The following MAD1L1 variants were observed in gnomAD, a reference collection of about 807,000 sequenced individuals.
MAD1L1 encodes mitotic arrest deficient 1 like 1.
MAD1L1 carries 95 observed loss-of-function variants against 96.9 expected under a neutral mutation model. The ratio of observed to expected loss-of-function variants is 0.98; its 90% CI spans 0.83 to 1.16. MAD1L1 has a LOEUF of 1.16. MAD1L1 is among the 50% of genes most tolerant of loss of function. MAD1L1 has a pLI of 0.00. For synonymous variants in MAD1L1, 473 were observed against 396.6 expected (o/e 1.19, Z -2.29); for missense variants, 1,007 against 954.4 (o/e 1.06, Z -0.73).
At chr7:2,069,387 C>A (rs1163292314) in intron 11 of MAD1L1, 49 bp from the exon 12 acceptor site, 4 of 1,463,908 alleles carry the variant, frequency 2.7e-6, no homozygotes, top group Non-Finnish European at 2.7e-6. Flanking sequence ...GGGGTGACCA[C>A]CCCACCAAGC....
At chr7:2,172,870 AGATGGCTCCTGG>A (rs1031269121) in intron 10 of MAD1L1, among the ~76,000 whole-genome samples, 1 of 152,228 alleles carries the variant, frequency 6.6e-6, no homozygotes, top group African/African-American at 2.4e-5. Context: ...CTGCCCCATC[AGATGGCTCCTGG>A]GAGCGTGCAC....
chr7:1,977,822 C>T (rs1225676574), intron 15 of MAD1L1, among the ~76,000 whole-genome samples: 5 of 152,240 alleles, frequency 3.3e-5, no homozygotes, highest in South Asian at 2.1e-4. Context: ...TGCAGCGTGA[C>T]GCAGGCTCCT....
intron 18 of MAD1L1, among the ~76,000 whole-genome samples, chr7:1,836,376 T>G (rs1470402588): frequency 1.3e-5 from 2 of 152,172 alleles, no homozygotes; most frequent in East Asian, 3.9e-4. Flanking sequence ...GTCAGCTTCT[T>G]TACTGCAACC....
intron 17 of MAD1L1, among the ~76,000 whole-genome samples, chr7:1,902,513 G>A (rs777010413): frequency 3.3e-5 from 5 of 152,198 alleles, no homozygotes; most frequent in Admixed American, 6.5e-5. Flanking sequence ...CGAGTGTTAC[G>A]GGGCACACGC....
rs567668130 is a variant in MAD1L1 at position 2,114,656 on chromosome 7, T to C, written c.1073+34496A>G. On this transcript the variant is annotated intron_variant, in intron 11 of 18. Transcript: ENST00000265854. This position sits in a 1 kb window ranked among gnomAD's most constrained non-coding sequence, Gnocchi z 4.2. Reference sequence around the variant, plus strand: ...TGGCCAAATCCCACCCACAGCCTGTTTTTGTAAACAACTTTTGTTTTTTTA... The same window carrying C: ...TGGCCAAATCCCACCCACAGCCTGTCTTTGTAAACAACTTTTGTTTTTTTA... 1.6e-4 allele frequency among the ~76,000 whole-genome samples: 25 copies of C among 152,332 alleles called. No individual in the cohort carries two copies. Among genetic ancestry groups the C allele is most frequent in the African/African-American group, 5.3e-4 (22 of 41,574 alleles).
chr7:1,876,191 G>T (rs1410959930), intron 18 of MAD1L1, among the ~76,000 whole-genome samples: 2 of 152,128 alleles, frequency 1.3e-5, no homozygotes, highest in African/African-American at 4.8e-5. Flanking sequence ...ACTTATGCGG[G>T]AGGATGGTAG....
chr7:1,893,920 G>A (rs1305761240), intron 18 of MAD1L1, among the ~76,000 whole-genome samples: 1 of 152,222 alleles, frequency 6.6e-6, no homozygotes, highest in Non-Finnish European at 1.5e-5. Context: ...AGGCAGAGGT[G>A]CCAACATGAG....
chr7:1,961,164 G>C (rs908667500), intron 15 of MAD1L1, among the ~76,000 whole-genome samples: 13 of 152,136 alleles, frequency 8.5e-5, no homozygotes, highest in Non-Finnish European at 1.8e-4. Flanking sequence ...CTGGGTGTTG[G>C]GAACGCACTT....
At chr7:1,912,079 A>G (rs1788051736) in intron 17 of MAD1L1, among the ~76,000 whole-genome samples, 1 of 152,204 alleles carries the variant, frequency 6.6e-6, no homozygotes, top group Non-Finnish European at 1.5e-5. Flanking sequence ...AGGAGTACAC[A>G]TAGCTGTCGG....
chr7:1,894,679 G>C (rs146295684), intron 18 of MAD1L1, among the ~76,000 whole-genome samples: 1,963 of 152,234 alleles, frequency 0.013, 35 homozygotes, highest in African/African-American at 0.044. Context: ...GGCGCAGGAA[G>C]GTCTGGGAGG....
intron 10 of MAD1L1, among the ~76,000 whole-genome samples, chr7:2,184,836 T>C (rs1168986948): frequency 1.3e-5 from 2 of 151,752 alleles, no homozygotes; most frequent in African/African-American, 2.4e-5. Flanking sequence ...ACCCTGTCTC[T>C]ACTAAAAATA....
chr7:2,185,920 T>C (rs1791439263), intron 10 of MAD1L1, among the ~76,000 whole-genome samples: 2 of 152,214 alleles, frequency 1.3e-5, no homozygotes, highest in South Asian at 2.1e-4. Context: ...AGTCGGTCCA[T>C]TAGGGAGGGT....
intron 11 of MAD1L1, among the ~76,000 whole-genome samples, chr7:2,096,075 GGA>G (rs1043249885): frequency 5.3e-5 from 8 of 152,260 alleles, no homozygotes; most frequent in Admixed American, 5.2e-4. Flanking sequence ...CCCACAAACA[GGA>G]GAAAGCAAGG....
chr7:1,996,808 G>A (rs899185562), intron 14 of MAD1L1, among the ~76,000 whole-genome samples: 7 of 151,142 alleles, frequency 4.6e-5, no homozygotes, highest in South Asian at 2.1e-4. Context: ...CCTCTGAATC[G>A]GAAAATAAAG....
At chr7:1,887,400 GCTGC>G (rs1407070669) in intron 18 of MAD1L1, among the ~76,000 whole-genome samples, 6 of 122,514 alleles carry the variant, frequency 4.9e-5, no homozygotes, top group African/African-American at 6.9e-5. Flanking sequence ...CATGTATGTG[GCTGC>G]CTGTGCATGT....
In MAD1L1 at chr7:2,014,525, G is replaced by A; in HGVS notation, c.1336C>T (p.His446Tyr). 6.2e-7 allele frequency: 1 copy of A among 1,603,770 alleles called. No homozygotes were observed. Residue 446 changes from histidine to tyrosine, a missense_variant, in exon 13 of 19, where the codon CAC becomes TAC. His to Tyr is a moderately conservative substitution (Grantham distance 83). Transcript: ENST00000265854. Reference protein sequence around the residue: ...REAEDMVQKVHSHSAEMEAQL... With the variant: ...REAEDMVQKVYSHSAEMEAQL... ...ACCTCCATCTCGGCGCTGTGGCTGT[G>A]CACCTTCTGCACCATATCCTCAGCC...
chr7:2,017,816 C>A (rs201182610), intron 12 of MAD1L1, among the ~76,000 whole-genome samples: 3 of 152,142 alleles, frequency 2.0e-5, no homozygotes, highest in African/African-American at 4.8e-5. Context: ...GCTGAGAACG[C>A]CATAGCAGGG....
At chr7:1,879,660 G>T (rs951863768) in intron 18 of MAD1L1, among the ~76,000 whole-genome samples, 36 of 152,212 alleles carry the variant, frequency 2.4e-4, no homozygotes, top group African/African-American at 8.7e-4. Flanking sequence ...CTATAAAGCT[G>T]CAGTATTCAG....
At chr7:2,160,543 C>T (rs1355040634) in intron 10 of MAD1L1, among the ~76,000 whole-genome samples, 1 of 93,454 alleles carries the variant, frequency 1.1e-5, no homozygotes, top group African/African-American at 4.1e-5. Flanking sequence ...CTGTGTTAGC[C>T]AGGATGGTCT....
Sources: gnomAD v4.1 joint callset for allele counts (sites outside exome capture counted in the v4.1 genomes callset) on GRCh38, gnomAD v4.1.1 for gene constraint, Gnocchi (gnomAD v3.1) non-coding constraint, MANE v1.5 for transcripts, NCBI Gene and HGNC (gene_info 2026-07-23, HGNC 2026-07-21) for gene names.